NUF2: variants seen among roughly 807,000 people sequenced by gnomAD.
NUF2 encodes the protein NUF2 component of NDC80 kinetochore complex.
A neutral mutation model predicts 61.8 loss-of-function variants in NUF2; 34 were observed. The observed-to-expected ratio is 0.55, with a 90% CI of 0.42 to 0.73. The LOEUF (loss-of-function observed/expected upper bound fraction) is 0.73, where lower values mean the gene tolerates loss of function less well. Among genes scored for constraint, NUF2 ranks in the 30% least tolerant of loss-of-function variants. The probability of loss-of-function intolerance (pLI) is 0.00; values close to 1 mark genes in which losing one functional copy is unlikely to be tolerated. For synonymous variants in NUF2, 172 were observed against 181.6 expected (o/e 0.95, Z 0.42); for missense variants, 445 against 539.1 (o/e 0.83, Z 1.73).
intron 11 of NUF2, among the ~76,000 whole-genome samples, chr1:163,346,476 A>T (rs537632765): frequency 3.3e-4 from 50 of 152,198 alleles, no homozygotes; most frequent in African/African-American, 1.2e-3. Flanking sequence ...TCCTCAAGGC[A>T]CTATGATGTC....
Position 163,349,006 on chromosome 1 carries a change from C to A in NUF2, c.1186C>A (p.Gln396Lys). 6.2e-7 allele frequency: 1 copy of A among 1,610,990 alleles called. No homozygotes were observed. Among genetic ancestry groups the A allele is most frequent in the Non-Finnish European group, 8.5e-7 (1 of 1,179,034 alleles). ...AVYERVTTIN[Q>K]EIQKIKLGIQ... ...CTATGAACGAGTAACCACAATTAATCAAGAAATCCAAAAAATTAAACTTGG... is the reference window on the plus strand; with the variant it reads ...CTATGAACGAGTAACCACAATTAATAAAGAAATCCAAAAAATTAAACTTGG... Residue 396 changes from glutamine (Q) to lysine (K), a missense_variant, in exon 13 of 14, where the codon CAA (glutamine) becomes AAA (lysine). Coordinates refer to ENST00000271452, the MANE Select transcript of NUF2 (RefSeq NM_145697.3).
At position 163,339,496 on chromosome 1, in the gene NUF2, C is replaced by T. The variant is rs768547605; in HGVS notation, c.606+19C>T. ...AAAAACGGTATCTGTTGTGAGGCAC[C>T]TTAAACTTTAAAAAACAAAATTTGT... is the stretch of plus-strand genomic sequence containing the variant. On this transcript the variant is annotated intron_variant, in intron 8 of 13. Coordinates refer to ENST00000271452, the MANE Select transcript of NUF2 (RefSeq NM_145697.3). 5.3e-6 allele frequency: 8 copies of T among 1,501,584 alleles called. No individual in the cohort carries two copies. The highest frequency in any genetic ancestry group is 7.4e-6 in the Non-Finnish European group (8 of 1,080,100). The allele number at this position is 1,501,584 out of a possible 1,614,324, so 93.0% of individuals were successfully genotyped here. A position where few individuals can be genotyped will look rare whatever the true frequency, so the allele number is the denominator to read the frequency against.
chr1:163,332,709 A>G (rs1393031074), intron 5 of NUF2, among the ~76,000 whole-genome samples: 1 of 152,116 alleles, frequency 6.6e-6, no homozygotes, highest in Non-Finnish European at 1.5e-5. Context: ...TTTTCTGTGT[A>G]TAGTCCAATC....
intron 7 of NUF2, among the ~76,000 whole-genome samples, 189 bp downstream of exon 7, chr1:163,338,282 T>C (rs1041991539): frequency 6.6e-6 from 1 of 151,456 alleles, no homozygotes; most frequent in African/African-American, 2.4e-5. Flanking sequence ...TAACTCTTAA[T>C]TATATAATAC....
At chr1:163,355,248 T>C (rs1571405883) in intron 13 of NUF2, 87 bp from the exon 14 acceptor site, 1 of 986,508 alleles carries the variant, frequency 1.0e-6, no homozygotes, top group East Asian at 2.7e-5. Context: ...TATTAATAAA[T>C]ATGAATAAAC....
Position 163,327,572 on chromosome 1 carries a change from A to G in NUF2, c.198+10A>G. ...GGAACATTTTTACATGGTGAGTTTA[A>G]GATGAGGCAAAATTATGGGGTTTTT... On this transcript the variant is annotated intron_variant, in intron 3 of 13. Transcript: ENST00000271452. 6.4e-7 allele frequency: 1 copy of G among 1,563,832 alleles called. No homozygotes were observed. The highest frequency in any genetic ancestry group is 8.8e-7 in the Non-Finnish European group (1 of 1,134,778).
Position 163,343,799 on chromosome 1 carries a change from G to T in NUF2, c.736G>T (p.Asp246Tyr). 1 of 1,442,890 alleles carries T rather than the reference G, an allele frequency of 6.9e-7. No individual in the cohort carries two copies. The highest frequency in any genetic ancestry group is 1.5e-5 in the South Asian group (1 of 64,906). The allele number at this position is 1,442,890 out of a possible 1,614,324, so 89.4% of individuals were successfully genotyped here. A position where few individuals can be genotyped will look rare whatever the true frequency, so the allele number is the denominator to read the frequency against. Reference protein sequence around the residue: ...IQESLKTKIVDSPEKLKNYKE... With the variant: ...IQESLKTKIVYSPEKLKNYKE... ...AGAGAGTTTGAAAACAAAAATTGTG[G>T]ATTCTCCAGAGAAGTTAAAGAATTA... Residue 246 changes from aspartate (D) to tyrosine (Y), a missense_variant, in exon 10 of 14, where the codon GAT becomes TAT. Physicochemically the swap from Asp to Tyr is radical, Grantham distance 160. Transcript: ENST00000271452.
Position 163,343,884 on chromosome 1 carries a change from T to C in NUF2, c.807+14T>C. 7.2e-7 allele frequency: 1 copy of C among 1,386,884 alleles called. No individual in the cohort carries two copies. The highest frequency in any genetic ancestry group is 9.5e-7 in the Non-Finnish European group (1 of 1,055,344). The allele number at this position is 1,386,884 out of a possible 1,614,324, so 85.9% of individuals were successfully genotyped here. A position where few individuals can be genotyped will look rare whatever the true frequency, so the allele number is the denominator to read the frequency against. On this transcript the variant is annotated intron_variant, in intron 10 of 13. Coordinates refer to ENST00000271452, the MANE Select transcript of NUF2 (RefSeq NM_145697.3). ...AAAAATGCCAGAGTGAGTTTTCTTT[T>C]TATTTTAATGCTTTTGTATCTAAAA...
chr1:163,337,145 T>G (rs912972929), intron 6 of NUF2, among the ~76,000 whole-genome samples: 2 of 152,112 alleles, frequency 1.3e-5, no homozygotes, highest in Non-Finnish European at 2.9e-5. Flanking sequence ...ATTGATATGT[T>G]TACATTTTTT....
intron 9 of NUF2, among the ~76,000 whole-genome samples, chr1:163,343,281 G>A (rs188684501): frequency 2.6e-5 from 4 of 152,236 alleles, no homozygotes; most frequent in East Asian, 3.9e-4. Flanking sequence ...TTATAGTGTT[G>A]CATGTACAAA....
chr1:163,355,301 G>T, intron 13 of NUF2, 34 bp from the exon 14 acceptor site: 2 of 1,522,206 alleles, frequency 1.3e-6, no homozygotes, highest in South Asian at 1.2e-5. Flanking sequence ...TTGTTGCATG[G>T]AATAATTATT....
intron 6 of NUF2, among the ~76,000 whole-genome samples, 191 bp downstream of exon 6, chr1:163,337,039 T>G (rs1650782201): frequency 6.6e-6 from 1 of 152,134 alleles, no homozygotes; most frequent in Non-Finnish European, 1.5e-5. Context: ...CAGATTTTCT[T>G]TGAAATTTGG....
intron 7 of NUF2, among the ~76,000 whole-genome samples, chr1:163,338,670 T>C (rs1436434063): frequency 2.0e-5 from 3 of 152,084 alleles, no homozygotes; most frequent in Non-Finnish European, 2.9e-5. Context: ...AAAATTGCCT[T>C]TACAGGCAGA....
chr1:163,355,064 TA>T (rs1292651348), intron 13 of NUF2, among the ~76,000 whole-genome samples: 1 of 152,094 alleles, frequency 6.6e-6, no homozygotes, highest in African/African-American at 2.4e-5. Flanking sequence ...TTGATAATTA[TA>T]AATATGTTTG....
chr1:163,327,702 A>G lies in NUF2; in HGVS notation c.198+140A>G, dbSNP rs1650472010. On this transcript the variant is annotated intron_variant, in intron 3 of 13. Transcript: ENST00000271452. ...TTATTTTTAACAAATTCAAAGACATATAAAATTAGTGTCACTTACAATGGG... is the reference window on the plus strand; with the variant it reads ...TTATTTTTAACAAATTCAAAGACATGTAAAATTAGTGTCACTTACAATGGG... 4.9e-6 allele frequency: 3 copies of G among 609,344 alleles called. No homozygotes were observed. In the East Asian group the frequency reaches 8.3e-5, roughly 17 times the overall value. The allele number at this position is 609,344 out of a possible 1,614,324, so 37.7% of individuals were successfully genotyped here. A position where few individuals can be genotyped will look rare whatever the true frequency, so the allele number is the denominator to read the frequency against.
At chr1:163,352,930 T>C (rs1336537536) in intron 13 of NUF2, among the ~76,000 whole-genome samples, 1 of 152,214 alleles carries the variant, frequency 6.6e-6, no homozygotes, top group African/African-American at 2.4e-5. Context: ...GTAGAAACTA[T>C]GTCTTCCACA....
chr1:163,349,127 A>AT, intron 13 of NUF2, 47 bp downstream of exon 13: 4 of 1,538,334 alleles, frequency 2.6e-6, no homozygotes, highest in Non-Finnish European at 3.5e-6. Flanking sequence ...TCTCTCATGT[A>AT]TTTGAGTTGT....
At chr1:163,340,295 G>T in intron 8 of NUF2, 69 bp from the exon 9 acceptor site, 1 of 1,128,242 alleles carries the variant, frequency 8.9e-7, no homozygotes. Context: ...TTAATTTTAT[G>T]AGACAGCAGT....
chr1:163,349,485 G>T, intron 13 of NUF2, among the ~76,000 whole-genome samples: 1 of 151,984 alleles, frequency 6.6e-6, no homozygotes, highest in Non-Finnish European at 1.5e-5. Context: ...AAACTGCTCT[G>T]CCAGAAATCA....
Sources: gnomAD v4.1 joint callset for allele counts (sites outside exome capture counted in the v4.1 genomes callset) on GRCh38, gnomAD v4.1.1 for gene constraint, MANE v1.5 for transcripts, NCBI Gene and HGNC (gene_info 2026-07-23, HGNC 2026-07-21) for gene names.